Variants in GPHN observed in about 807,000 individuals in gnomAD.
GPHN encodes the protein gephyrin.
GPHN carries 17 observed loss-of-function variants against 95.5 expected under a neutral mutation model. The ratio of observed to expected loss-of-function variants is 0.18; its 90% CI spans 0.12 to 0.27. The LOEUF is 0.27. Among genes scored for constraint, GPHN ranks in the 10% least tolerant of loss-of-function variants. The pLI, the probability that GPHN is intolerant of heterozygous loss-of-function variation, is 1.00. For missense variants in GPHN, 660 were observed against 978.1 expected, an observed-to-expected ratio of 0.67 and a Z score of 4.34; for synonymous variants, 320 against 322.5, an observed-to-expected ratio of 0.99 and a Z score of 0.08.
the GPHN span, among the ~76,000 whole-genome samples, chr14:67,624,295 G>A: frequency 1.3e-5 from 2 of 152,152 alleles, no homozygotes; most frequent in Non-Finnish European, 2.9e-5. Flanking sequence ...TTAAAATACT[G>A]TATAGTGACA....
chr14:67,683,154 G>A, the GPHN span, among the ~76,000 whole-genome samples: 1 of 152,190 alleles, frequency 6.6e-6, no homozygotes, highest in Non-Finnish European at 1.5e-5. Flanking sequence ...CACGGCTGCT[G>A]TTGGATCTTC....
chr14:66,545,423 G>A (rs1488818121), intron 1 of GPHN, among the ~76,000 whole-genome samples: 5 of 138,612 alleles, frequency 3.6e-5, no homozygotes, highest in Non-Finnish European at 7.7e-5. Context: ...GCGGCTGGCC[G>A]GGCAGAGGGG....
chr14:67,490,583 A>G, the GPHN span, among the ~76,000 whole-genome samples: 14 of 152,168 alleles, frequency 9.2e-5, no homozygotes, highest in African/African-American at 2.9e-4. Context: ...ACTGGCAGGA[A>G]ATTCCCTTCG....
intron 9 of GPHN, among the ~76,000 whole-genome samples, chr14:67,022,999 T>C (rs2073738473): frequency 6.6e-6 from 1 of 152,060 alleles, no homozygotes; most frequent in Admixed American, 6.5e-5. Flanking sequence ...TAAGAACTGG[T>C]AAATAAATTT....
chr14:67,614,280 C>A, the GPHN span, among the ~76,000 whole-genome samples: 1 of 152,284 alleles, frequency 6.6e-6, no homozygotes, highest in South Asian at 2.1e-4. Flanking sequence ...GGAGTGGTGG[C>A]TGTTCCTTAC....
chr14:66,831,539 C>A (rs547021033), intron 4 of GPHN, among the ~76,000 whole-genome samples: 51 of 152,194 alleles, frequency 3.4e-4, no homozygotes, highest in Non-Finnish European at 6.8e-4. Flanking sequence ...ATATCTTTGT[C>A]TAAACACGTT....
the GPHN span, chr14:67,642,129 G>C: frequency 6.5e-7 from 1 of 1,545,446 alleles, no homozygotes; most frequent in South Asian, 1.1e-5. Flanking sequence ...GCCCAGGCTA[G>C]TTAAGAGTTG....
chr14:66,996,330 C>T (rs961861566), intron 9 of GPHN: 5 of 733,954 alleles, frequency 6.8e-6, no homozygotes, highest in Non-Finnish European at 1.2e-5. Flanking sequence ...TTTGCACTTG[C>T]CTGAAAGGGA....
chr14:66,643,753 T>G (rs1336105853), intron 1 of GPHN, among the ~76,000 whole-genome samples: 1 of 139,296 alleles, frequency 7.2e-6, no homozygotes, highest in African/African-American at 2.6e-5. Flanking sequence ...ATGAGGGGAG[T>G]TTTTTTTTTT....
chr14:67,235,070 C>G, the GPHN span, among the ~76,000 whole-genome samples: 1 of 151,466 alleles, frequency 6.6e-6, no homozygotes, highest in Non-Finnish European at 1.5e-5. Flanking sequence ...GCAGGAGAAT[C>G]TCTGGAACCC....
the GPHN span, among the ~76,000 whole-genome samples, chr14:67,205,758 C>G: frequency 6.6e-6 from 1 of 152,148 alleles, no homozygotes; most frequent in African/African-American, 2.4e-5. Flanking sequence ...TTTGGGCAAA[C>G]GTTAGTGACC....
chr14:67,616,257 C>T, the GPHN span: 1 of 177,644 alleles, frequency 5.6e-6, no homozygotes, highest in African/African-American at 2.6e-5. Context: ...CCAAATGTGT[C>T]ATTGGATAGC....
chr14:67,415,195 G>A, the GPHN span, among the ~76,000 whole-genome samples: 1 of 152,116 alleles, frequency 6.6e-6, no homozygotes, highest in African/African-American at 2.4e-5. Flanking sequence ...CTATCACTCA[G>A]ACAGATGATC....
intron 9 of GPHN, among the ~76,000 whole-genome samples, chr14:67,006,264 C>A (rs1363369944): frequency 1.3e-5 from 2 of 152,026 alleles, no homozygotes; most frequent in Non-Finnish European, 2.9e-5. Context: ...CCATAGTTTT[C>A]AATTATATTA....
intron 1 of GPHN, among the ~76,000 whole-genome samples, chr14:66,629,300 T>G (rs1462799722): frequency 1.3e-5 from 2 of 150,494 alleles, no homozygotes; most frequent in African/African-American, 2.4e-5. Context: ...TTTTATCCTT[T>G]TACTTTGTAA....
intron 2 of GPHN, among the ~76,000 whole-genome samples, chr14:66,720,050 T>C (rs2070582205): frequency 6.6e-6 from 1 of 152,208 alleles, no homozygotes; most frequent in South Asian, 2.1e-4. Flanking sequence ...TCCAAGATTT[T>C]GATATTAAAA....
the GPHN span, chr14:67,576,516 TG>T: frequency 3.1e-6 from 4 of 1,299,282 alleles, no homozygotes; most frequent in South Asian, 4.7e-5. This position sits in a 1 kb window ranked among gnomAD's most constrained non-coding sequence, Gnocchi z 4.0. Flanking sequence ...AAGGCAAGGG[TG>T]GCCACCACTG....
chr14:67,397,964 C>G, the GPHN span: 6 of 644,880 alleles, frequency 9.3e-6, no homozygotes, highest in Non-Finnish European at 1.5e-5. Flanking sequence ...GGATTTGTGT[C>G]TGGATCTCTT....
At chr14:67,356,184 C>T in the GPHN span, among the ~76,000 whole-genome samples, 1 of 152,068 alleles carries the variant, frequency 6.6e-6, no homozygotes, top group Non-Finnish European at 1.5e-5. Flanking sequence ...CTTTGGGAGG[C>T]CGAGGCAGGT....
Sources: allele counts gnomAD v4.1 joint callset (sites outside exome capture counted in the v4.1 genomes callset), GRCh38; gene constraint gnomAD v4.1.1; non-coding constraint Gnocchi (gnomAD v3.1); transcripts MANE v1.5; gene names NCBI Gene and HGNC (gene_info 2026-07-23, HGNC 2026-07-21).